Variants in DSE observed in about 807,000 individuals in gnomAD.
DSE encodes the protein dermatan sulfate epimerase, also known as dermatan-sulfate epimerase.
DSE carries 36 observed loss-of-function variants against 84.4 expected under a neutral mutation model. The ratio of observed to expected loss-of-function variants is 0.43; its 90% CI spans 0.33 to 0.56. The LOEUF is 0.56. Ranked by LOEUF, DSE falls within the 20% of genes least tolerant of loss-of-function variation. The probability of loss-of-function intolerance (pLI) is 0.06; values close to 1 mark genes in which losing one functional copy is unlikely to be tolerated. For missense variants in DSE, 862 were observed against 1,169.6 expected (o/e 0.74, Z 3.84); for synonymous variants, 410 against 430.1 (o/e 0.95, Z 0.58).
intron 2 of DSE, among the ~76,000 whole-genome samples, chr6:116,424,994 A>G (rs369396236): frequency 6.6e-6 from 1 of 152,216 alleles, no homozygotes; most frequent in Non-Finnish European, 1.5e-5. Flanking sequence ...GAGATAACCA[A>G]TCTTGATGGT....
intron 2 of DSE, among the ~76,000 whole-genome samples, chr6:116,336,663 G>A (rs1308836939): frequency 1.3e-5 from 2 of 151,752 alleles, no homozygotes; most frequent in Non-Finnish European, 1.5e-5. Context: ...GCTGAGGCAG[G>A]AGAATTGCTT....
intron 2 of DSE, among the ~76,000 whole-genome samples, chr6:116,420,665 A>G (rs1410129874): frequency 1.3e-5 from 2 of 152,244 alleles, no homozygotes; most frequent in African/African-American, 4.8e-5. Context: ...GGCTAAGACA[A>G]CAGTATACAA....
chr6:116,383,962 G>T (rs1780419141), intron 1 of DSE, among the ~76,000 whole-genome samples: 1 of 152,162 alleles, frequency 6.6e-6, no homozygotes, highest in Non-Finnish European at 1.5e-5. Flanking sequence ...TAGCAATTGT[G>T]TAGATGTAGA....
chr6:116,315,119 A>G (rs535692489), intron 2 of DSE, among the ~76,000 whole-genome samples: 1 of 152,322 alleles, frequency 6.6e-6, no homozygotes, highest in East Asian at 1.9e-4. Context: ...AGCTTCCTCC[A>G]TCTCTCTAGA....
chr6:116,337,138 G>C (rs1033639046), intron 2 of DSE, among the ~76,000 whole-genome samples: 1 of 152,126 alleles, frequency 6.6e-6, no homozygotes, highest in African/African-American at 2.4e-5. Context: ...TTGAATATTA[G>C]CTGAATATCA....
intron 2 of DSE, among the ~76,000 whole-genome samples, chr6:116,330,811 A>G (rs573512008): frequency 6.6e-6 from 1 of 152,302 alleles, no homozygotes; most frequent in East Asian, 1.9e-4. Context: ...AAGTCAACAC[A>G]ACTTTGATAT....
At chr6:116,386,452 A>G (rs1002033856) in intron 1 of DSE, among the ~76,000 whole-genome samples, 4 of 152,274 alleles carry the variant, frequency 2.6e-5, no homozygotes, top group Non-Finnish European at 4.4e-5. Flanking sequence ...GCAAAGGGCA[A>G]AGGCACATGG....
intron 2 of DSE, among the ~76,000 whole-genome samples, chr6:116,424,500 C>T (rs1471717904): frequency 2.0e-5 from 3 of 152,212 alleles, no homozygotes; most frequent in African/African-American, 4.8e-5. Context: ...ATAATGATCA[C>T]ATAATCACTG....
intron 2 of DSE, among the ~76,000 whole-genome samples, chr6:116,409,549 G>T (rs1332230037): frequency 1.3e-5 from 2 of 152,162 alleles, no homozygotes; most frequent in Non-Finnish European, 2.9e-5. Flanking sequence ...AAAGTGCTGG[G>T]ATTACAGGCG....
intron 2 of DSE, among the ~76,000 whole-genome samples, chr6:116,266,868 A>G (rs1772649641): frequency 6.6e-6 from 1 of 152,230 alleles, no homozygotes; most frequent in African/African-American, 2.4e-5. Flanking sequence ...TTTTGTTTTC[A>G]TATGTGAAAT....
intron 2 of DSE, among the ~76,000 whole-genome samples, chr6:116,262,822 G>A (rs1189383015): frequency 1.3e-5 from 2 of 151,982 alleles, no homozygotes; most frequent in Non-Finnish European, 2.9e-5. Context: ...TCTTTATTCT[G>A]ATTAGTTTCA....
intron 2 of DSE, among the ~76,000 whole-genome samples, chr6:116,301,643 T>A (rs1420706025): frequency 6.6e-6 from 1 of 151,938 alleles, no homozygotes; most frequent in Non-Finnish European, 1.5e-5. Flanking sequence ...AAAACCAGCA[T>A]TTTTTTTAAT....
chr6:116,359,082 CTG>C (rs1562252353), intron 2 of DSE, among the ~76,000 whole-genome samples: 2 of 152,112 alleles, frequency 1.3e-5, no homozygotes, highest in African/African-American at 2.4e-5. Flanking sequence ...ATGAAATAGA[CTG>C]AAATAAAAAA....
At position 116,299,535 on chromosome 6, in the gene DSE, TATATATATATATATATACAC is replaced by T. The variant is rs150473601; in HGVS notation, c.-54+40572_-54+40591del. ...ATATATATATATATATATATATATA[TATATATATATATATATACAC>T]ATACACACACACACACACATACATA... is the stretch of plus-strand genomic sequence containing the variant. On this transcript the variant is annotated intron_variant, in intron 2 of 3. Transcript: ENST00000430252. Among the ~76,000 whole-genome samples the T allele has an allele frequency of 1.7e-3, 52 of 30,446 alleles. 2 individuals are homozygous for T. The highest frequency in any genetic ancestry group is 0.012 in the African/African-American group (44 of 3,622). 20.0% of individuals were successfully genotyped at this position (30,446 alleles called of 152,430 possible).
chr6:116,377,748 C>T (rs1780009672), intron 1 of DSE, among the ~76,000 whole-genome samples: 1 of 152,098 alleles, frequency 6.6e-6, no homozygotes, highest in African/African-American at 2.4e-5. Flanking sequence ...ACTCAATATC[C>T]AACACGGTGT....
rs1374863595 is a variant in DSE, at chr6:116,431,331, GA to G, written c.910+143del. The G allele has an allele frequency of 3.2e-6, 4 of 1,244,496 alleles. No homozygotes were observed. The African/African-American group carries it at 6.1e-5, about 19-fold the overall frequency. The allele number at this position is 1,244,496 out of a possible 1,614,324, so 77.1% of individuals were successfully genotyped here. A position where few individuals can be genotyped will look rare whatever the true frequency, so the allele number is the denominator to read the frequency against. ...AATTAAATAGATTTTTTTAATCAAA[GA>G]AAAATTGAATTCAAGAGTTGCATAT... On this transcript the variant is annotated intron_variant, in intron 4 of 5. Transcript: ENST00000644252.
At chr6:116,396,229 GTTCTC>G (rs1475008447) in intron 1 of DSE, among the ~76,000 whole-genome samples, 10 of 152,304 alleles carry the variant, frequency 6.6e-5, no homozygotes, top group Non-Finnish European at 1.3e-4. Context: ...GAGGAAGAAG[GTTCTC>G]ACCTTCTGTG....
chr6:116,385,933 C>T (rs1780553825), intron 1 of DSE, among the ~76,000 whole-genome samples: 1 of 152,098 alleles, frequency 6.6e-6, no homozygotes, highest in African/African-American at 2.4e-5. Context: ...AAAAGCACCA[C>T]TCCATATATA....
intron 1 of DSE, among the ~76,000 whole-genome samples, chr6:116,382,630 T>C (rs1348135588): frequency 6.6e-6 from 1 of 152,204 alleles, no homozygotes; most frequent in Non-Finnish European, 1.5e-5. Flanking sequence ...GGGTGATATG[T>C]CACTGTCCAA....
Sources: allele counts gnomAD v4.1 joint callset (sites outside exome capture counted in the v4.1 genomes callset), GRCh38; gene constraint gnomAD v4.1.1; transcripts MANE v1.5; gene names NCBI Gene and HGNC (gene_info 2026-07-23, HGNC 2026-07-21).